The following ZNF804B variants were observed in gnomAD, a reference collection of about 807,000 sequenced individuals.
ZNF804B encodes the protein zinc finger 804B.
ZNF804B carries 80 observed loss-of-function variants against 101.4 expected under a neutral mutation model. That is an observed-to-expected ratio of 0.79 (90% CI 0.66 to 0.95). ZNF804B has a LOEUF of 0.95. ZNF804B is among the 40% of genes least tolerant of loss of function. The pLI, the probability that ZNF804B is intolerant of heterozygous loss-of-function variation, is 0.00. For synonymous variants in ZNF804B, 622 were observed against 558.8 expected, an observed-to-expected ratio of 1.11 and a Z score of -1.59; for missense variants, 1,673 against 1,561.9, an observed-to-expected ratio of 1.07 and a Z score of -1.20.
chr7:88,810,283 C>A (rs1790763674), intron 1 of ZNF804B, among the ~76,000 whole-genome samples: 1 of 151,170 alleles, frequency 6.6e-6, no homozygotes, highest in Admixed American at 6.6e-5. Flanking sequence ...GTTATGAATT[C>A]CTGTTATTAG....
chr7:88,923,020 A>T (rs958616698), intron 1 of ZNF804B, among the ~76,000 whole-genome samples: 1 of 152,114 alleles, frequency 6.6e-6, no homozygotes, highest in Non-Finnish European at 1.5e-5. Context: ...GAAGCCCTAT[A>T]TATTCCATAT....
chr7:89,133,341 C>A (rs1440699953), intron 1 of ZNF804B, among the ~76,000 whole-genome samples: 1 of 151,976 alleles, frequency 6.6e-6, no homozygotes, highest in Non-Finnish European at 1.5e-5. Context: ...TTAAGTATGA[C>A]TCTTGTTTGT....
At chr7:89,148,321 C>T (rs1038472512) in intron 1 of ZNF804B, among the ~76,000 whole-genome samples, 1 of 152,004 alleles carries the variant, frequency 6.6e-6, no homozygotes, top group Non-Finnish European at 1.5e-5. Flanking sequence ...ATTATTTAAT[C>T]ATATTAGTTA....
intron 1 of ZNF804B, among the ~76,000 whole-genome samples, chr7:88,887,588 G>A (rs532716743): frequency 1.3e-5 from 2 of 152,142 alleles, no homozygotes; most frequent in South Asian, 2.1e-4. Flanking sequence ...TCATAGGTGT[G>A]CAGCCTTATT....
At chr7:88,951,150 T>C (rs1291614681) in intron 1 of ZNF804B, among the ~76,000 whole-genome samples, 2 of 151,898 alleles carry the variant, frequency 1.3e-5, no homozygotes, top group African/African-American at 4.8e-5. Context: ...AAAACCTCAG[T>C]GGGTCTGAAT....
At chr7:89,129,466 C>T (rs780091607) in intron 1 of ZNF804B, among the ~76,000 whole-genome samples, 2 of 151,894 alleles carry the variant, frequency 1.3e-5, no homozygotes, top group Non-Finnish European at 2.9e-5. Context: ...TGTGCACTTC[C>T]CAAGCAACCT....
At chr7:89,102,229 A>G (rs1171724968) in intron 1 of ZNF804B, among the ~76,000 whole-genome samples, 1 of 152,010 alleles carries the variant, frequency 6.6e-6, no homozygotes, top group Non-Finnish European at 1.5e-5. Context: ...TTCTATTGCT[A>G]GTTCTTTGAG....
intron 1 of ZNF804B, among the ~76,000 whole-genome samples, chr7:88,817,942 A>G (rs948838925): frequency 6.6e-6 from 1 of 152,130 alleles, no homozygotes; most frequent in Non-Finnish European, 1.5e-5. Context: ...ATTGTAACCT[A>G]TAATCTGCAG....
chr7:89,181,612 A>G (rs1313285822), intron 1 of ZNF804B, among the ~76,000 whole-genome samples: 1 of 152,060 alleles, frequency 6.6e-6, no homozygotes, highest in East Asian at 1.9e-4. Flanking sequence ...GTCTTTCTTC[A>G]GTGGCTCTTT....
intron 1 of ZNF804B, among the ~76,000 whole-genome samples, chr7:88,961,878 A>G (rs1335029944): frequency 6.6e-6 from 1 of 151,368 alleles, no homozygotes; most frequent in East Asian, 2.0e-4. Context: ...ATCTGGTCTG[A>G]GACATATCTC....
At chr7:89,213,441 A>AG (rs1788836164) in intron 1 of ZNF804B, among the ~76,000 whole-genome samples, 1 of 152,242 alleles carries the variant, frequency 6.6e-6, no homozygotes, top group African/African-American at 2.4e-5. Context: ...ATTACCCATA[A>AG]GGAGCTATGA....
intron 1 of ZNF804B, among the ~76,000 whole-genome samples, chr7:88,775,452 C>A (rs972147097): frequency 1.3e-5 from 2 of 152,146 alleles, no homozygotes; most frequent in East Asian, 3.8e-4. Flanking sequence ...GCCTTTAATC[C>A]AACTACAGAA....
chr7:89,056,116 G>A (rs528796468), intron 1 of ZNF804B, among the ~76,000 whole-genome samples: 1 of 152,222 alleles, frequency 6.6e-6, no homozygotes, highest in South Asian at 2.1e-4. Context: ...ATCTTCAAAA[G>A]CCTCTCAGTA....
intron 2 of ZNF804B, among the ~76,000 whole-genome samples, chr7:89,290,686 T>A (rs111364762): frequency 0.068 from 10,363 of 152,154 alleles, 466 homozygotes; most frequent in African/African-American, 0.13. Context: ...TGTCTTGTGG[T>A]TTGAGTGCCA....
chr7:88,944,995 T>C (rs532110203), intron 1 of ZNF804B, among the ~76,000 whole-genome samples: 1 of 152,036 alleles, frequency 6.6e-6, no homozygotes, highest in Non-Finnish European at 1.5e-5. Context: ...ATTAGCCCTT[T>C]GTTAGATGGA....
intron 1 of ZNF804B, among the ~76,000 whole-genome samples, chr7:88,972,800 A>G (rs1402054554): frequency 6.6e-6 from 1 of 151,456 alleles, no homozygotes; most frequent in African/African-American, 2.4e-5. Flanking sequence ...CTAATAGTAT[A>G]CCTGCCTTTA....
At chr7:88,884,996 G>A (rs1314070079) in intron 1 of ZNF804B, among the ~76,000 whole-genome samples, 1 of 151,678 alleles carries the variant, frequency 6.6e-6, no homozygotes, top group Non-Finnish European at 1.5e-5. Flanking sequence ...TGAGCTTAAG[G>A]TGCTCCCGAA....
intron 1 of ZNF804B, among the ~76,000 whole-genome samples, chr7:89,096,737 G>A (rs1387899303): frequency 6.6e-6 from 1 of 152,064 alleles, no homozygotes; most frequent in Non-Finnish European, 1.5e-5. Context: ...GCTTTCTGTT[G>A]CACTCCTCAT....
chr7:88,825,225 C>G (rs77872264), intron 1 of ZNF804B, among the ~76,000 whole-genome samples: 5,945 of 152,160 alleles, frequency 0.039, 404 homozygotes, highest in African/African-American at 0.14. Flanking sequence ...AAAATATCAG[C>G]TACTTTATCA....
Sources: allele counts gnomAD v4.1 joint callset (sites outside exome capture counted in the v4.1 genomes callset), GRCh38; gene constraint gnomAD v4.1.1; transcripts MANE v1.5; gene names NCBI Gene and HGNC (gene_info 2026-07-23, HGNC 2026-07-21).